The following DHX37 variants were observed in gnomAD, a reference collection of about 807,000 sequenced individuals.
DHX37 encodes probable ATP-dependent RNA helicase DHX37.
Under a neutral mutation model 134.3 loss-of-function variants are expected in DHX37, and 52 were observed. That is an observed-to-expected ratio of 0.39 (90% CI 0.31 to 0.49). DHX37 has a LOEUF of 0.49. DHX37 is among the 20% of genes least tolerant of loss of function. DHX37 has a pLI of 0.93. For synonymous variants in DHX37, 634 were observed against 670.7 expected (o/e 0.95, Z 0.85); for missense variants, 1,344 against 1,580.8 (o/e 0.85, Z 2.54).
At chr12:124,956,457 C>A (rs1314650199) in intron 18 of DHX37, among the ~76,000 whole-genome samples, 2 of 152,202 alleles carry the variant, frequency 1.3e-5, no homozygotes, top group East Asian at 3.8e-4. Flanking sequence ...ACTAAACATA[C>A]TTTCAACATA....
In DHX37 at chr12:124,979,922, C is replaced by T. The variant is rs144806975; in HGVS notation, c.738+568G>A. On this transcript the variant is annotated intron_variant, in intron 4 of 26. Coordinates refer to ENST00000308736, the MANE Select transcript of DHX37 (RefSeq NM_032656.4). ...GAAAAATGTACTTAGAAGCAGGATC[C>T]CAATTCCATTCAACGGCCAACATTA... Among the ~76,000 whole-genome samples, 969 of 152,296 alleles carry T rather than the reference C, an allele frequency of 6.4e-3. 11 individuals carry two copies. The highest frequency in any genetic ancestry group is 8.9e-3 in the Non-Finnish European group (605 of 68,024).
Position 124,971,390 on chromosome 12 carries a change from A to G in DHX37, c.1103T>C (p.Val368Ala). The stretch of plus-strand genomic sequence containing the variant: ...CTCGTGGGCCTCGTCGATGATCACC[A>G]CCTTGTACCGCAGCAGCAGGAAGTC... ...QKDFLLLRYKVVIIDEAHERS... is the reference protein window; with the variant it reads ...QKDFLLLRYKAVIIDEAHERS... Residue 368 changes from valine (V) to alanine (A), a missense_variant, in exon 8 of 27, where the codon GTG (valine) becomes GCG (alanine). Val to Ala is a moderately conservative substitution (Grantham distance 64). Coordinates refer to ENST00000308736, the MANE Select transcript of DHX37 (RefSeq NM_032656.4). 1 of 1,613,034 alleles carries G rather than the reference A, an allele frequency of 6.2e-7. No homozygotes were observed.
At chr12:124,952,733 G>T (rs991614046) in intron 20 of DHX37, 163 bp from the exon 21 acceptor site, 26 of 618,260 alleles carry the variant, frequency 4.2e-5, no homozygotes, top group Non-Finnish European at 4.8e-5. Context: ...GCCCCCAGCA[G>T]GCAGGATTGC....
In DHX37 at chr12:124,977,078, T is replaced by C. The variant is rs528797495; in HGVS notation, c.887+264A>G. Among the ~76,000 whole-genome samples the C allele has an allele frequency of 2.9e-4, 44 of 150,188 alleles. No homozygotes were observed. In the East Asian group the frequency reaches 6.0e-3, roughly 21 times the overall value. On this transcript the variant is annotated intron_variant, in intron 5 of 26. Coordinates refer to ENST00000308736, the MANE Select transcript of DHX37 (RefSeq NM_032656.4). ...AAAAAAAAAGGAAAAAAGAAAATAGTAAGCACATAGCTCTACGTGCCAGGA... is the reference window on the plus strand; with the variant it reads ...AAAAAAAAAGGAAAAAAGAAAATAGCAAGCACATAGCTCTACGTGCCAGGA...
chr12:124,968,404 G>A, intron 10 of DHX37, 130 bp downstream of exon 10: 1 of 1,455,632 alleles, frequency 6.9e-7, no homozygotes. Context: ...TGGAATAAGT[G>A]AGGAAGCCGA....
intron 15 of DHX37, among the ~76,000 whole-genome samples, chr12:124,961,296 G>A (rs1163287446): frequency 1.4e-5 from 2 of 139,666 alleles, no homozygotes; most frequent in Non-Finnish European, 3.1e-5. Flanking sequence ...ACTTACACGC[G>A]TGCACGCACG....
chr12:124,986,774 C>G (rs1180387313), intron 1 of DHX37, among the ~76,000 whole-genome samples: 1 of 152,020 alleles, frequency 6.6e-6, no homozygotes, highest in Non-Finnish European at 1.5e-5. Context: ...GAGACGGTGT[C>G]TCACTTTGTC....
intron 2 of DHX37, among the ~76,000 whole-genome samples, chr12:124,985,227 C>T (rs1954842982): frequency 6.6e-6 from 1 of 152,146 alleles, no homozygotes; most frequent in South Asian, 2.1e-4. Flanking sequence ...GAAACTAGTA[C>T]AGATTCACTG....
Position 124,966,830 on chromosome 12 carries a change from T to C in DHX37, c.1553A>G (p.Lys518Arg). ...CTTCTTGGCCCTGGCCCTTGACTTC[T>C]TAAACTTCCGCATTTCCTCCACCGA... ...KDSVEEMRKF[K>R]KSRARAKKAR... The change falls in exon 12 of 27, where the codon AAG becomes AGG. Residue 518 changes from lysine (K) to arginine (R), a missense_variant. By Grantham distance (26) the Lys-to-Arg change is conservative (BLOSUM62 2). Around this residue, in one of 7 missense-constraint regions of DHX37, gnomAD observed 289 missense variants for 323.8 expected, o/e 0.89. Transcript: ENST00000308736. The C allele has an allele frequency of 3.7e-6, 6 of 1,614,244 alleles. No individual in the cohort carries two copies. The highest frequency in any genetic ancestry group is 5.1e-6 in the Non-Finnish European group (6 of 1,180,040).
chr12:124,959,937 C>G (rs1389840021), intron 16 of DHX37, among the ~76,000 whole-genome samples: 2 of 152,198 alleles, frequency 1.3e-5, no homozygotes, highest in Admixed American at 1.3e-4. Context: ...TTAGCCTGCC[C>G]TGGAGCAGGG....
At chr12:124,950,592 C>A in intron 22 of DHX37, 42 bp from the exon 23 acceptor site, 2 of 1,549,746 alleles carry the variant, frequency 1.3e-6, no homozygotes, top group East Asian at 2.3e-5. Flanking sequence ...GCGGCACCCT[C>A]CGTGGGAGGG....
chr12:124,983,568 T>C (rs1253943848), intron 2 of DHX37, among the ~76,000 whole-genome samples: 1 of 151,702 alleles, frequency 6.6e-6, no homozygotes, highest in Non-Finnish European at 1.5e-5. Context: ...GTGGATCACC[T>C]GAGGTCAGGA....
At chr12:124,973,071 G>A (rs1345316786) in intron 6 of DHX37, among the ~76,000 whole-genome samples, 1 of 152,232 alleles carries the variant, frequency 6.6e-6, no homozygotes, top group Non-Finnish European at 1.5e-5. Context: ...GTGCCCAAGA[G>A]GTTGAGGCTG....
chr12:124,948,573 C>T (rs1953915897), intron 25 of DHX37: 1 of 228,482 alleles, frequency 4.4e-6, no homozygotes, highest in Admixed American at 5.1e-5. Context: ...ATGGTGAAAC[C>T]CTAGCTCTAC....
chr12:124,952,421 C>T lies in DHX37; in HGVS notation c.2845G>A (p.Asp949Asn), dbSNP rs370278054. Reference protein sequence around the residue: ...RRVQSEEMLEDKWRNAYKTPL... With the variant: ...RRVQSEEMLENKWRNAYKTPL... ...ACCTTGTAGGCGTTCCTCCACTTGT[C>T]CTCCAGCATCTCCTCGCTCTGGACC... Residue 949 changes from aspartate (D) to asparagine (N), a missense_variant, in exon 21 of 27, where the codon GAC (aspartate) becomes AAC (asparagine). This residue lies in a region of DHX37 where 558 missense variants were observed against 650.0 expected (regional missense o/e 0.86). Coordinates refer to ENST00000308736, the MANE Select transcript of DHX37 (RefSeq NM_032656.4). The T allele has an allele frequency of 2.5e-6, 4 of 1,610,556 alleles. No individual in the cohort carries two copies. The highest frequency in any genetic ancestry group is 3.4e-6 in the Non-Finnish European group (4 of 1,179,572).
At chr12:124,983,958 G>T (rs1044240011) in intron 2 of DHX37, among the ~76,000 whole-genome samples, 1 of 152,128 alleles carries the variant, frequency 6.6e-6, no homozygotes, top group Non-Finnish European at 1.5e-5. Flanking sequence ...TCTCATGAAG[G>T]CTCCAGGTCA....
chr12:124,987,845 T>C (rs1168041165), intron 1 of DHX37, among the ~76,000 whole-genome samples: 2 of 152,156 alleles, frequency 1.3e-5, no homozygotes, highest in African/African-American at 4.8e-5. Context: ...AAGTGTCATG[T>C]TGACACTCAA....
intron 12 of DHX37, among the ~76,000 whole-genome samples, chr12:124,966,114 C>T (rs1191365194): frequency 1.3e-5 from 2 of 152,220 alleles, no homozygotes; most frequent in Admixed American, 1.3e-4. Context: ...TGAGTGCTTA[C>T]GCTACCGTCA....
chr12:124,961,230 A>ACACACACATACACGCGTGCACGCACG (rs1227270728), intron 15 of DHX37, among the ~76,000 whole-genome samples: 19 of 111,728 alleles, frequency 1.7e-4, no homozygotes, highest in Non-Finnish European at 2.4e-4. Context: ...ACACGCACGC[A>ACACACACATACACGCGTGCACGCACG]CACACACATA....
Sources: allele counts gnomAD v4.1 joint callset (sites outside exome capture counted in the v4.1 genomes callset), GRCh38; gene constraint gnomAD v4.1.1; regional missense constraint gnomAD v4.1.1; transcripts MANE v1.5; gene names NCBI Gene and HGNC (gene_info 2026-07-23, HGNC 2026-07-21).